CCDC102B: variants seen among roughly 807,000 people sequenced by gnomAD.
The protein encoded by CCDC102B is coiled-coil domain containing 102B.
Under a neutral mutation model 57.4 loss-of-function variants are expected in CCDC102B, and 75 were observed. The observed-to-expected ratio is 1.31, with a 90% confidence interval of 1.08 to 1.58. The LOEUF (loss-of-function observed/expected upper bound fraction) is 1.58. Ranked by LOEUF, CCDC102B falls within the 40% of genes most tolerant of loss-of-function variation. The pLI, the probability that CCDC102B is intolerant of heterozygous loss-of-function variation, is 0.00. For missense variants in CCDC102B, 636 were observed against 582.6 expected (o/e 1.09, Z -0.94); for synonymous variants, 206 against 201.9 (o/e 1.02, Z -0.17).
At chr18:68,957,285 T>C (rs1251235677) in intron 6 of CCDC102B, among the ~76,000 whole-genome samples, 1 of 152,150 alleles carries the variant, frequency 6.6e-6, no homozygotes, top group Non-Finnish European at 1.5e-5. Flanking sequence ...CTTTAATGTT[T>C]GTATTTGGCA....
Position 68,870,394 on chromosome 18 carries a change from C to T in CCDC102B, c.937-4275C>T, listed in dbSNP as rs182661818. Among the ~76,000 whole-genome samples the T allele has an allele frequency of 7.2e-5, 11 of 152,278 alleles. No homozygotes were observed. In the East Asian group the frequency reaches 1.7e-3, roughly 24 times the overall value. ...ATAGAGAAAAGATTATCCTTCGACC[C>T]TTGATCTCCCACGCTCCCTCATCCC... On this transcript the variant is annotated intron_variant, in intron 4 of 7. Transcript: ENST00000360242.
intron 1 of CCDC102B, among the ~76,000 whole-genome samples, chr18:68,835,870 ATCT>A (rs1164483184): frequency 6.6e-6 from 1 of 152,180 alleles, no homozygotes; most frequent in Non-Finnish European, 1.5e-5. Context: ...TAGATGGGAA[ATCT>A]TCTCAGTACC....
At chr18:69,049,792 G>A (rs1310985971) in intron 7 of CCDC102B, among the ~76,000 whole-genome samples, 1 of 152,002 alleles carries the variant, frequency 6.6e-6, no homozygotes, top group Non-Finnish European at 1.5e-5. Flanking sequence ...GTATGTCAGG[G>A]TCCATTGCTT....
intron 7 of CCDC102B, among the ~76,000 whole-genome samples, chr18:69,013,151 A>C (rs1046675983): frequency 1.3e-5 from 2 of 152,206 alleles, no homozygotes; most frequent in African/African-American, 2.4e-5. Flanking sequence ...GGAGGAGTGG[A>C]TTAAAAATAT....
chr18:68,734,224 G>A (rs1020156953), intron 2 of CCDC102B, among the ~76,000 whole-genome samples: 1 of 152,176 alleles, frequency 6.6e-6, no homozygotes, highest in African/African-American at 2.4e-5. Context: ...TTCCCTCAGG[G>A]AAGCAGGTTC....
chr18:68,784,265 G>A, intron 2 of CCDC102B, among the ~76,000 whole-genome samples: 1 of 151,968 alleles, frequency 6.6e-6, no homozygotes, highest in South Asian at 2.1e-4. Context: ...CATGGCAGAA[G>A]GCAAAGGGTG....
intron 6 of CCDC102B, among the ~76,000 whole-genome samples, chr18:68,990,778 A>G (rs1404629672): frequency 5.9e-5 from 9 of 152,172 alleles, no homozygotes. Flanking sequence ...GTAATTATGA[A>G]CATAAATCTT....
At chr18:68,911,774 A>AAAAAAAAAAAAC (rs2040881862) in intron 6 of CCDC102B, among the ~76,000 whole-genome samples, 1 of 144,626 alleles carries the variant, frequency 6.9e-6, no homozygotes. Context: ...AAAAAAAAAA[A>AAAAAAAAAAAAC]AGATCAGAAA....
chr18:68,824,180 GT>G (rs1299762391), intron 1 of CCDC102B, among the ~76,000 whole-genome samples: 2 of 152,238 alleles, frequency 1.3e-5, no homozygotes, highest in East Asian at 3.9e-4. Context: ...GAATTTTATA[GT>G]TTGAGGTCTT....
At chr18:68,854,999 G>A (rs1017307821) in intron 4 of CCDC102B, among the ~76,000 whole-genome samples, 1 of 152,166 alleles carries the variant, frequency 6.6e-6, no homozygotes, top group East Asian at 1.9e-4. Flanking sequence ...ATTTGCACAG[G>A]TCAGACTCTT....
chr18:69,043,663 C>CATG lies in CCDC102B; in HGVS notation c.1435-10366_1435-10364dup, dbSNP rs1311436394. Among the ~76,000 whole-genome samples the CATG allele has an allele frequency of 1.3e-5, 2 of 152,084 alleles. 1 individual carries two copies. Among genetic ancestry groups the CATG allele is most frequent in the Non-Finnish European group, 2.9e-5 (2 of 68,020 alleles). On this transcript the variant is annotated intron_variant, in intron 7 of 7. Transcript: ENST00000360242. ...ATTTAACCCTGAGTTTGACACAGCA[C>CATG]ATGTTTCAGAGAGCACAGGGTTGGG... is the stretch of plus-strand genomic sequence containing the variant.
chr18:68,996,457 A>T (rs561919728), intron 6 of CCDC102B, among the ~76,000 whole-genome samples: 2 of 151,980 alleles, frequency 1.3e-5, no homozygotes, highest in African/African-American at 4.8e-5. Context: ...CTATTGGGGG[A>T]CTTTACCTTG....
chr18:68,922,298 T>C (rs1235620662), intron 6 of CCDC102B, among the ~76,000 whole-genome samples: 1 of 152,212 alleles, frequency 6.6e-6, no homozygotes, highest in Non-Finnish European at 1.5e-5. Context: ...TTGCAACTCA[T>C]ACAAGAATTG....
At chr18:68,924,431 C>T (rs2041406111) in intron 6 of CCDC102B, among the ~76,000 whole-genome samples, 1 of 152,046 alleles carries the variant, frequency 6.6e-6, no homozygotes, top group Admixed American at 6.6e-5. Flanking sequence ...GTCTTGCTTC[C>T]TCTCTGCCTT....
chr18:68,806,374 G>A (rs2036034554), intron 1 of CCDC102B, among the ~76,000 whole-genome samples: 1 of 151,986 alleles, frequency 6.6e-6, no homozygotes, highest in Non-Finnish European at 1.5e-5. Flanking sequence ...GTGGCCATGT[G>A]GAAGAGAATG....
chr18:68,857,399 T>C (rs1169625168), intron 4 of CCDC102B, among the ~76,000 whole-genome samples: 1 of 125,426 alleles, frequency 8.0e-6, no homozygotes, highest in Non-Finnish European at 1.6e-5. Flanking sequence ...ATTATTTAAA[T>C]ATATAAATAT....
chr18:68,785,397 C>T (rs150586018), intron 2 of CCDC102B, among the ~76,000 whole-genome samples: 5,951 of 152,182 alleles, frequency 0.039, 296 homozygotes, highest in African/African-American at 0.12. Context: ...CCTGAGGAAT[C>T]GCCACATTGA....
chr18:68,781,751 G>A (rs573985352), intron 2 of CCDC102B, among the ~76,000 whole-genome samples: 71 of 152,162 alleles, frequency 4.7e-4, no homozygotes, highest in Admixed American at 1.9e-3. Context: ...CTTGTATAAT[G>A]ATTTGTGGAA....
intron 6 of CCDC102B, among the ~76,000 whole-genome samples, chr18:69,007,714 A>T (rs2051390478): frequency 6.6e-6 from 1 of 152,202 alleles, no homozygotes; most frequent in South Asian, 2.1e-4. Flanking sequence ...ATATAGTTTG[A>T]CAAAAGCATA....
Sources: gnomAD v4.1 joint callset for allele counts (sites outside exome capture counted in the v4.1 genomes callset) on GRCh38, gnomAD v4.1.1 for gene constraint, MANE v1.5 for transcripts, NCBI Gene and HGNC (gene_info 2026-07-23, HGNC 2026-07-21) for gene names.